The following PAK1 variants were observed in gnomAD, a reference collection of about 807,000 sequenced individuals.
PAK1 encodes p21 (RAC1) activated kinase 1.
PAK1 carries 29 observed loss-of-function variants against 67.4 expected under a neutral mutation model. That is an observed-to-expected ratio of 0.43 (90% confidence interval 0.32 to 0.59). The LOEUF (loss-of-function observed/expected upper bound fraction) is 0.59. Ranked by LOEUF, PAK1 falls within the 20% of genes least tolerant of loss-of-function variation. The pLI is 0.07. For missense variants in PAK1, 337 were observed against 670.7 expected, an observed-to-expected ratio of 0.50 and a Z score of 5.50; for synonymous variants, 223 against 237.4, an observed-to-expected ratio of 0.94 and a Z score of 0.56.
chr11:77,501,168 A>G, the PAK1 span, among the ~76,000 whole-genome samples: 2 of 151,916 alleles, frequency 1.3e-5, no homozygotes, highest in Non-Finnish European at 2.9e-5. Context: ...AAAACAAAAA[A>G]CAAAAAACAA....
chr11:77,362,112 C>G (rs986880847), intron 5 of PAK1, among the ~76,000 whole-genome samples: 3 of 152,060 alleles, frequency 2.0e-5, no homozygotes, highest in Admixed American at 6.5e-5. Flanking sequence ...TAAATTTATC[C>G]ACCGGTTTGG....
intron 1 of PAK1, among the ~76,000 whole-genome samples, chr11:77,399,997 C>A (rs1407097975): frequency 1.3e-5 from 2 of 150,274 alleles, no homozygotes; most frequent in Non-Finnish European, 2.9e-5. Context: ...GGTGGGTACA[C>A]AGGTACTCAC....
the PAK1 span, among the ~76,000 whole-genome samples, chr11:77,521,428 C>T: frequency 6.6e-6 from 1 of 152,028 alleles, no homozygotes; most frequent in Non-Finnish European, 1.5e-5. Context: ...ACTCGGGAGG[C>T]TGAGGCAGGA....
intron 1 of PAK1, among the ~76,000 whole-genome samples, chr11:77,461,215 A>C (rs1592561868): frequency 2.6e-5 from 4 of 152,208 alleles, no homozygotes; most frequent in African/African-American, 9.7e-5. Flanking sequence ...ATTACAGTAT[A>C]ATTTATAATA....
At chr11:77,387,177 A>T (rs890056460) in intron 2 of PAK1, among the ~76,000 whole-genome samples, 1 of 150,246 alleles carries the variant, frequency 6.7e-6, no homozygotes, top group Non-Finnish European at 1.5e-5. Flanking sequence ...GATTCAAGCG[A>T]TTCTCCTGCC....
chr11:77,419,760 T>C (rs1955158769), intron 1 of PAK1, among the ~76,000 whole-genome samples: 2 of 152,210 alleles, frequency 1.3e-5, no homozygotes, highest in South Asian at 2.1e-4. Flanking sequence ...AATGATGATG[T>C]TGGATTTAAA....
chr11:77,483,299 G>T, the PAK1 span, among the ~76,000 whole-genome samples: 3 of 152,036 alleles, frequency 2.0e-5, no homozygotes, highest in East Asian at 5.8e-4. Flanking sequence ...ATAACGGCAT[G>T]TTCGTAATCC....
chr11:77,332,230 T>G (rs1941713184), intron 14 of PAK1, among the ~76,000 whole-genome samples: 1 of 137,712 alleles, frequency 7.3e-6, no homozygotes, highest in East Asian at 2.1e-4. Context: ...ATCACTTGAG[T>G]GAACCCAGGA....
At chr11:77,450,060 A>G (rs1376446246) in intron 1 of PAK1, among the ~76,000 whole-genome samples, 1 of 152,222 alleles carries the variant, frequency 6.6e-6, no homozygotes, top group African/African-American at 2.4e-5. Context: ...GCGAAATTGA[A>G]GGCAATACCC....
At chr11:77,485,571 G>A in the PAK1 span, among the ~76,000 whole-genome samples, 2 of 152,284 alleles carry the variant, frequency 1.3e-5, no homozygotes, top group African/African-American at 2.4e-5. Flanking sequence ...TGCCTCCTGG[G>A]TTCAAGCAAT....
intron 5 of PAK1, among the ~76,000 whole-genome samples, chr11:77,364,182 A>G (rs915164699): frequency 6.6e-6 from 1 of 152,224 alleles, no homozygotes. Flanking sequence ...CTAGTCACAC[A>G]TGCCTGGCTA....
intron 1 of PAK1, among the ~76,000 whole-genome samples, chr11:77,448,906 T>C (rs1004490553): frequency 1.3e-5 from 2 of 152,184 alleles, no homozygotes; most frequent in African/African-American, 2.4e-5. Context: ...AGAATTGTCA[T>C]GTGGAGGAAA....
intron 1 of PAK1, among the ~76,000 whole-genome samples, chr11:77,409,106 A>C (rs1954099681): frequency 7.0e-6 from 1 of 143,542 alleles, no homozygotes; most frequent in African/African-American, 2.4e-5. Flanking sequence ...TTCTAAAAAA[A>C]AAAAATTTTT....
At chr11:77,409,889 T>C (rs1451999240) in intron 1 of PAK1, among the ~76,000 whole-genome samples, 1 of 152,126 alleles carries the variant, frequency 6.6e-6, no homozygotes, top group Non-Finnish European at 1.5e-5. Context: ...TCTTTCAAAA[T>C]TTTTAACTAA....
At chr11:77,481,201 C>T in the PAK1 span, among the ~76,000 whole-genome samples, 1 of 152,098 alleles carries the variant, frequency 6.6e-6, no homozygotes, top group Non-Finnish European at 1.5e-5. Context: ...TTAACTACAT[C>T]GTTCCAGTGT....
the PAK1 span, among the ~76,000 whole-genome samples, chr11:77,484,992 G>A: frequency 5.9e-5 from 9 of 152,270 alleles, no homozygotes; most frequent in Admixed American, 2.0e-4. Context: ...AAAACTCCCC[G>A]TTATAATACT....
the PAK1 span, among the ~76,000 whole-genome samples, chr11:77,525,683 T>C: frequency 6.6e-6 from 1 of 152,254 alleles, no homozygotes; most frequent in Non-Finnish European, 1.5e-5. Flanking sequence ...AGGACAATTG[T>C]TGGCCTTCCC....
the PAK1 span, among the ~76,000 whole-genome samples, chr11:77,481,483 T>C: frequency 6.6e-6 from 1 of 152,024 alleles, no homozygotes; most frequent in East Asian, 1.9e-4. Context: ...GAGACCATCC[T>C]GGCCAACAAG....
chr11:77,353,514 G>C, intron 8 of PAK1, 22 bp downstream of exon 8: 1 of 1,566,274 alleles, frequency 6.4e-7, no homozygotes, highest in South Asian at 1.1e-5. Context: ...TTTCTCCAGG[G>C]AAAGAAAATG....
Sources: gnomAD v4.1 joint callset for allele counts (sites outside exome capture counted in the v4.1 genomes callset) on GRCh38, gnomAD v4.1.1 for gene constraint, MANE v1.5 for transcripts, NCBI Gene and HGNC (gene_info 2026-07-23, HGNC 2026-07-21) for gene names.